NASP: variants seen among roughly 807,000 people sequenced by gnomAD.
NASP encodes the protein NASP histone chaperone.
NASP carries 24 observed loss-of-function variants against 89.5 expected under a neutral mutation model. The observed-to-expected ratio is 0.27, with a 90% confidence interval of 0.19 to 0.38. NASP has a LOEUF of 0.38. Among genes scored for constraint, NASP ranks in the 10% least tolerant of loss-of-function variants. The pLI is 1.00. For missense variants in NASP, 848 were observed against 921.4 expected (o/e 0.92, Z 1.03); for synonymous variants, 306 against 324.7 (o/e 0.94, Z 0.62).
intron 2 of NASP, among the ~76,000 whole-genome samples, chr1:45,597,115 C>G (rs1423805113): frequency 6.6e-6 from 1 of 152,090 alleles, no homozygotes; most frequent in African/African-American, 2.4e-5. Context: ...TTGAGACCAG[C>G]CTGGCCAACA....
At chr1:45,584,228 T>C in intron 1 of NASP, 23 bp downstream of exon 1, 1 of 1,569,160 alleles carries the variant, frequency 6.4e-7, no homozygotes, top group Non-Finnish European at 8.6e-7. Context: ...GTGGAAAGCT[T>C]AAGGCACTGG....
intron 3 of NASP, among the ~76,000 whole-genome samples, chr1:45,603,350 A>T (rs927552886): frequency 6.6e-6 from 1 of 152,242 alleles, no homozygotes; most frequent in Non-Finnish European, 1.5e-5. Flanking sequence ...TGATTACATT[A>T]CATATAGTTA....
chr1:45,591,246 C>G lies in NASP; in HGVS notation c.83C>G (p.Ser28Cys). 2 of 1,547,296 alleles carry G rather than the reference C, an allele frequency of 1.3e-6. No individual in the cohort carries two copies. The highest frequency in any genetic ancestry group is 1.7e-6 in the Non-Finnish European group (2 of 1,150,372). Residue 28 changes from serine (S) to cysteine (C), a missense_variant, in exon 2 of 15, where the codon TCT (serine) becomes TGT (cysteine). Transcript: ENST00000350030. ...AGAATTGAAGATGTTCCTGCTCCTT[C>G]TACATCTGCAGATAAAGTGGAGAGG... is the stretch of plus-strand genomic sequence containing the variant. ...ADKIEDVPAP[S>C]TSADKVESLD... is the part of the protein sequence containing the mutation.
chr1:45,617,135 C>A (rs915069224), intron 13 of NASP: 1 of 316,404 alleles, frequency 3.2e-6, no homozygotes, highest in African/African-American at 2.2e-5. Flanking sequence ...GAGCCACTGC[C>A]CTCAGCCAGG....
chr1:45,613,099 A>G (rs549150329), intron 6 of NASP, 70 bp from the exon 7 acceptor site: 1 of 1,532,550 alleles, frequency 6.5e-7, no homozygotes, highest in African/African-American at 1.4e-5. Context: ...TGAGACGTGT[A>G]TTGGAATCTC....
intron 2 of NASP, chr1:45,592,607 C>G (rs1029321365): frequency 2.6e-5 from 4 of 152,314 alleles, no homozygotes; most frequent in African/African-American, 9.7e-5. Flanking sequence ...CTCTGCCTCC[C>G]GGGTTCAAGC....
chr1:45,603,379 A>T (rs937606071), intron 3 of NASP, among the ~76,000 whole-genome samples: 1 of 152,198 alleles, frequency 6.6e-6, no homozygotes. Flanking sequence ...CTTCCTTATA[A>T]AAGAAATGGT....
chr1:45,591,162 T>C, intron 1 of NASP, 61 bp from the exon 2 acceptor site: 6 of 1,004,868 alleles, frequency 6.0e-6, no homozygotes, highest in Non-Finnish European at 8.8e-6. Context: ...ATTTATTTTA[T>C]TTTCAGGCTT....
chr1:45,609,269 T>C (rs1643961991), intron 6 of NASP: 1 of 152,200 alleles, frequency 6.6e-6, no homozygotes, highest in East Asian at 1.9e-4. Context: ...TTCTTGTAAT[T>C]GCCAGACTAC....
At position 45,591,219 on chromosome 1, in the gene NASP, A is replaced by T. The variant is rs1643539953; in HGVS notation, c.60-4A>T. 2 of 1,517,680 alleles carry T rather than the reference A, an allele frequency of 1.3e-6. No individual in the cohort carries two copies. Among genetic ancestry groups the T allele is most frequent in the African/African-American group, 2.8e-5 (2 of 70,304 alleles). 94.0% of individuals were successfully genotyped at this position (1,517,680 alleles called of 1,614,324 possible). On this transcript the variant is annotated splice_polypyrimidine_tract_variant and splice_region_variant and intron_variant, in intron 1 of 14. Transcript: ENST00000350030. ...ATTTTTTCCCCTTTAATTTTTTATT[A>T]CAGAATTGAAGATGTTCCTGCTCCT...
intron 2 of NASP, among the ~76,000 whole-genome samples, chr1:45,596,947 CA>C (rs1643711177): frequency 6.6e-6 from 1 of 151,872 alleles, no homozygotes; most frequent in African/African-American, 2.4e-5. Flanking sequence ...CGCACTACTG[CA>C]CTCCAGCCTG....
At chr1:45,586,995 G>T (rs1464066259) in intron 1 of NASP, among the ~76,000 whole-genome samples, 1 of 152,112 alleles carries the variant, frequency 6.6e-6, no homozygotes, top group Non-Finnish European at 1.5e-5. Flanking sequence ...ACCTCGCCTG[G>T]CTTAGAATTG....
intron 1 of NASP, 81 bp from the exon 2 acceptor site, chr1:45,591,142 A>G (rs919435569): frequency 5.8e-5 from 48 of 834,094 alleles, no homozygotes; most frequent in Non-Finnish European, 8.7e-5. Flanking sequence ...ATTCCTTTAT[A>G]TTTTTCTGAA....
At chr1:45,585,848 A>T (rs1644526067) in intron 1 of NASP, among the ~76,000 whole-genome samples, 1 of 152,206 alleles carries the variant, frequency 6.6e-6, no homozygotes, top group African/African-American at 2.4e-5. Context: ...AATGTTGCCC[A>T]GGTTGGTCTC....
intron 3 of NASP, 70 bp downstream of exon 3, chr1:45,602,435 T>A (rs905992548): frequency 7.0e-7 from 1 of 1,436,360 alleles, no homozygotes; most frequent in African/African-American, 1.4e-5. Flanking sequence ...AAAAATTATT[T>A]TATGGGGAAA....
Position 45,616,385 on chromosome 1 carries a change from G to C in NASP, c.2071G>C (p.Val691Leu). 1 of 1,614,124 alleles carries C rather than the reference G, an allele frequency of 6.2e-7. No individual in the cohort carries two copies. Among genetic ancestry groups the C allele is most frequent in the Non-Finnish European group, 8.5e-7 (1 of 1,179,994 alleles). ...GFTPGGGGSSVSMIASRKPTD... is the reference protein window; with the variant it reads ...GFTPGGGGSSLSMIASRKPTD... ...CACTCCTGGTGGAGGAGGCTCTTCA[G>C]TCTCCATGGTGCGTATTCAGGTGGT... Residue 691 changes from valine (V) to leucine (L), a missense_variant, in exon 12 of 15, where the codon GTC (valine) becomes CTC (leucine). Physicochemically the swap from Val to Leu is conservative, Grantham distance 32. This residue lies in a region of NASP where 218 missense variants were observed against 219.6 expected (regional missense o/e 0.99). Coordinates refer to ENST00000350030, the MANE Select transcript of NASP (RefSeq NM_002482.4).
At chr1:45,584,851 C>T (rs527788188) in intron 1 of NASP, among the ~76,000 whole-genome samples, 117 of 152,314 alleles carry the variant, frequency 7.7e-4, no homozygotes, top group Middle Eastern at 3.4e-3. Context: ...GAGGCTAGTT[C>T]CCCCCGACAC....
chr1:45,598,891 T>A (rs1643764021), intron 2 of NASP, among the ~76,000 whole-genome samples: 1 of 148,040 alleles, frequency 6.8e-6, no homozygotes, highest in Non-Finnish European at 1.5e-5. Context: ...ATCCTAGGAT[T>A]TAAATGTAGA....
intron 5 of NASP, 56 bp from the exon 6 acceptor site, chr1:45,607,265 G>T: frequency 6.5e-7 from 1 of 1,542,896 alleles, no homozygotes; most frequent in Non-Finnish European, 8.9e-7. Flanking sequence ...TTCCATTTAT[G>T]CCTTTATCAT....
Sources: allele counts gnomAD v4.1 joint callset (sites outside exome capture counted in the v4.1 genomes callset), GRCh38; gene constraint gnomAD v4.1.1; regional missense constraint gnomAD v4.1.1; transcripts MANE v1.5; gene names NCBI Gene and HGNC (gene_info 2026-07-23, HGNC 2026-07-21).